RGPD3: variants seen among roughly 807,000 people sequenced by gnomAD.
RGPD3 encodes ranBP2-like and GRIP domain-containing protein 3.
In RGPD3, 62 loss-of-function variants were observed where a neutral mutation model predicts 154.5. The observed-to-expected ratio is 0.40, with a 90% confidence interval of 0.33 to 0.50. The LOEUF is 0.50. Among genes scored for constraint, RGPD3 ranks in the 20% least tolerant of loss-of-function variants. The pLI is 0.59. For missense variants in RGPD3, 919 were observed against 1,716.8 expected (o/e 0.54, Z 8.21); for synonymous variants, 308 against 607.0 (o/e 0.51, Z 7.24).
rs1573242537 is a variant in RGPD3 at position 106,414,966 on chromosome 2, A to G, written c.5064+884T>C. On this transcript the variant is annotated intron_variant, in intron 21 of 22. Coordinates refer to ENST00000409886, the MANE Select transcript of RGPD3 (RefSeq NM_001144013.2). Reference sequence around the variant, plus strand: ...GCTTCAATTTTTCTCTTAACCAGTGATGAGATTAAATAATATACGTAGAGC... The same window carrying G: ...GCTTCAATTTTTCTCTTAACCAGTGGTGAGATTAAATAATATACGTAGAGC... 2.6e-5 allele frequency among the ~76,000 whole-genome samples: 4 copies of G among 152,252 alleles called. No individual in the cohort carries two copies. In the South Asian group the frequency reaches 8.3e-4, roughly 32 times the overall value.
Position 106,413,159 on chromosome 2 carries a change from T to C in RGPD3, c.5191A>G (p.Arg1731Gly), listed in dbSNP as rs1431648442. Reference sequence around the variant, plus strand: ...ATCGTATTTATAACAGGAAGAAGTCTCTCTCTTTCACTACCTGGCTTCAAG... The same window carrying C: ...ATCGTATTTATAACAGGAAGAAGTCCCTCTCTTTCACTACCTGGCTTCAAG... ...IFLKPGSERE[R>G]LLPVINTMLQ... The change falls in exon 22 of 23, where the codon AGA becomes GGA. Residue 1731 changes from arginine (R) to glycine (G), a missense_variant. Transcript: ENST00000409886. 7.4e-6 allele frequency: 12 copies of C among 1,611,778 alleles called. No homozygotes were observed. The highest frequency in any genetic ancestry group is 6.7e-5 in the Admixed American group (4 of 60,004).
chr2:106,451,016 G>A (rs1678103444), intron 6 of RGPD3, among the ~76,000 whole-genome samples: 2 of 150,484 alleles, frequency 1.3e-5, no homozygotes, highest in South Asian at 4.2e-4. Flanking sequence ...CTGAACCCGG[G>A]AGGCGGAGGT....
chr2:106,463,192 A>G (rs969277197), intron 1 of RGPD3, among the ~76,000 whole-genome samples: 2 of 147,910 alleles, frequency 1.4e-5, no homozygotes, highest in Non-Finnish European at 3.0e-5. Flanking sequence ...TTGCGAAAAA[A>G]ATTATTTCAA....
rs1488993241 is a variant in RGPD3, at chr2:106,468,266, C to G, written c.23G>C (p.Gly8Ala). Reference sequence around the variant, plus strand: ...CTGCACCGAGGCGACGTACCGCTCCCCGTAGGCCTTGCTGCAACTCATCGC... The same window carrying G: ...CTGCACCGAGGCGACGTACCGCTCCGCGTAGGCCTTGCTGCAACTCATCGC... The part of the protein sequence containing the change: MSCSKAY[G>A]ERYVASVQGS... Residue 8 changes from glycine to alanine, a missense_variant, in exon 1 of 23, where the codon GGG becomes GCG. Transcript: ENST00000409886. 7 of 1,607,760 alleles carry G rather than the reference C, an allele frequency of 4.4e-6. No homozygotes were observed. Among genetic ancestry groups the G allele is most frequent in the Non-Finnish European group, 5.9e-6 (7 of 1,178,258 alleles).
intron 1 of RGPD3, among the ~76,000 whole-genome samples, chr2:106,466,058 G>C (rs538921661): frequency 2.0e-4 from 30 of 152,012 alleles, no homozygotes; most frequent in African/African-American, 6.3e-4. Context: ...GAAACCCGCC[G>C]ATACAGCACC....
At chr2:106,429,453 G>A (rs933182699) in intron 18 of RGPD3, among the ~76,000 whole-genome samples, 193 bp downstream of exon 18, 9 of 150,086 alleles carry the variant, frequency 6.0e-5, no homozygotes, top group South Asian at 2.2e-4. Context: ...GATCACATAC[G>A]GCTCGTTTTT....
chr2:106,415,843 A>G lies in RGPD3; in HGVS notation c.5064+7T>C. On this transcript the variant is annotated splice_region_variant and intron_variant, in intron 21 of 22. Coordinates refer to ENST00000409886, the MANE Select transcript of RGPD3 (RefSeq NM_001144013.2). ...GTTTTTATGGTGGCCAGGTTTTCTG[A>G]TCTCACCTTAATTTGCTCCATAAGG... 2.5e-6 allele frequency: 4 copies of G among 1,611,778 alleles called. No homozygotes were observed. The highest frequency in any genetic ancestry group is 2.5e-6 in the Non-Finnish European group (3 of 1,179,802).
chr2:106,466,022 TA>T (rs1446766606), intron 1 of RGPD3, among the ~76,000 whole-genome samples: 1 of 150,368 alleles, frequency 6.7e-6, no homozygotes, highest in Non-Finnish European at 1.5e-5. Flanking sequence ...CCGCAGCATA[TA>T]AAGTAAATGT....
intron 20 of RGPD3, among the ~76,000 whole-genome samples, chr2:106,418,857 C>G (rs1048982617): frequency 1.9e-4 from 29 of 150,926 alleles, no homozygotes; most frequent in African/African-American, 6.8e-4. Context: ...GGTGAGACAC[C>G]ACGCCTGGTC....
At chr2:106,412,928 AAGTC>A in intron 22 of RGPD3, 152 bp downstream of exon 22, 1 of 753,742 alleles carries the variant, frequency 1.3e-6, no homozygotes, top group Non-Finnish European at 2.1e-6. Flanking sequence ...AGATGTTAAA[AAGTC>A]AGCTTTTCAA....
At chr2:106,410,914 T>C (rs1218283641) in intron 22 of RGPD3, among the ~76,000 whole-genome samples, 1 of 152,042 alleles carries the variant, frequency 6.6e-6, no homozygotes, top group East Asian at 1.9e-4. Context: ...CTGAGATTAC[T>C]GTCAGTATTG....
intron 1 of RGPD3, among the ~76,000 whole-genome samples, chr2:106,466,077 C>T (rs71419310): frequency 0.032 from 4,732 of 147,438 alleles, 152 homozygotes; most frequent in Non-Finnish European, 0.049. Context: ...CCCGGGTGCC[C>T]AAGCCCCCGA....
chr2:106,441,878 A>AAC (rs1677755215), intron 7 of RGPD3, among the ~76,000 whole-genome samples: 1 of 148,156 alleles, frequency 6.7e-6, no homozygotes, highest in African/African-American at 2.5e-5. Flanking sequence ...AAAAAAAAAA[A>AAC]AAAAAAAAAA....
intron 22 of RGPD3, among the ~76,000 whole-genome samples, chr2:106,412,091 A>AT (rs1676688662): frequency 6.8e-6 from 1 of 146,984 alleles, no homozygotes; most frequent in Non-Finnish European, 1.5e-5. Flanking sequence ...ACAACTCAAG[A>AT]GAGATTATAG....
At chr2:106,450,388 G>A (rs1470677739) in intron 6 of RGPD3, among the ~76,000 whole-genome samples, 1 of 145,084 alleles carries the variant, frequency 6.9e-6, no homozygotes, top group African/African-American at 2.5e-5. Flanking sequence ...ACAGCCCTAA[G>A]CCACACTGTG....
chr2:106,457,431 T>G (rs1678266461), intron 3 of RGPD3, 136 bp downstream of exon 3: 1 of 1,528,560 alleles, frequency 6.5e-7, no homozygotes, highest in South Asian at 1.2e-5. Flanking sequence ...TGTTCCAAGC[T>G]GTGTCACATA....
intron 22 of RGPD3, among the ~76,000 whole-genome samples, chr2:106,409,880 T>C (rs1409782834): frequency 6.8e-6 from 1 of 147,602 alleles, no homozygotes; most frequent in Non-Finnish European, 1.5e-5. Context: ...ACTTTTTTTT[T>C]TTTTTTTTTT....
At chr2:106,406,281 C>A (rs1410463406) in intron 22 of RGPD3, among the ~76,000 whole-genome samples, 1 of 150,082 alleles carries the variant, frequency 6.7e-6, no homozygotes, top group Non-Finnish European at 1.5e-5. Context: ...CCAACCAAGG[C>A]CTGGCACATT....
chr2:106,424,616 T>G lies in RGPD3; in HGVS notation c.3351A>C (p.Thr1117=). 1.2e-6 allele frequency: 2 copies of G among 1,611,872 alleles called. No homozygotes were observed. The highest frequency in any genetic ancestry group is 2.7e-5 in the African/African-American group (2 of 74,948). ...KVCANHWITT[T]MNLKPLSGSD... Reference sequence around the variant, plus strand: ...ATCCAGAGAGGGGCTTCAGGTTCATTGTAGTCGTTATCCAATGATTAGCAC... The same window carrying G: ...ATCCAGAGAGGGGCTTCAGGTTCATGGTAGTCGTTATCCAATGATTAGCAC... The change falls in exon 20 of 23, where the codon ACA becomes ACC. Residue 1117 remains threonine (T), a synonymous_variant. Coordinates refer to ENST00000409886, the MANE Select transcript of RGPD3 (RefSeq NM_001144013.2).
Sources: allele counts gnomAD v4.1 joint callset (sites outside exome capture counted in the v4.1 genomes callset), GRCh38; gene constraint gnomAD v4.1.1; transcripts MANE v1.5; gene names NCBI Gene and HGNC (gene_info 2026-07-23, HGNC 2026-07-21).